STAT4: variants seen among roughly 807,000 people sequenced by gnomAD.
The protein encoded by STAT4 is signal transducer and activator of transcription 4.
STAT4 carries 42 observed loss-of-function variants against 110.5 expected under a neutral mutation model. The observed-to-expected ratio is 0.38, with a 90% confidence interval of 0.30 to 0.49. The LOEUF (loss-of-function observed/expected upper bound fraction) is 0.49, where lower values mean the gene tolerates loss of function less well. Ranked by LOEUF, STAT4 falls within the 20% of genes least tolerant of loss-of-function variation. STAT4 has a pLI of 0.95. For synonymous variants in STAT4, 284 were observed against 302.2 expected, an observed-to-expected ratio of 0.94 and a Z score of 0.63; for missense variants, 632 against 887.9, an observed-to-expected ratio of 0.71 and a Z score of 3.66.
In STAT4 at chr2:191,086,896, T is replaced by C. The variant is rs999658370; in HGVS notation, c.274-10571A>G. ...GTATCTGCCTGCTCATGTTTGGACTTCTCAGAAAGTTCACTTGAACATCTG... is the reference window on the plus strand; with the variant it reads ...GTATCTGCCTGCTCATGTTTGGACTCCTCAGAAAGTTCACTTGAACATCTG... On this transcript the variant is annotated intron_variant, in intron 3 of 23. Coordinates refer to ENST00000392320, the MANE Select transcript of STAT4 (RefSeq NM_003151.4). This position sits in a 1 kb window ranked among gnomAD's most constrained non-coding sequence, Gnocchi z 5.5. 6.6e-5 allele frequency among the ~76,000 whole-genome samples: 10 copies of C among 152,154 alleles called. No individual in the cohort carries two copies. Among genetic ancestry groups the C allele is most frequent in the African/African-American group, 2.4e-4 (10 of 41,438 alleles).
intron 3 of STAT4, among the ~76,000 whole-genome samples, chr2:191,123,843 C>T (rs552409983): frequency 1.2e-4 from 19 of 152,244 alleles, no homozygotes; most frequent in Middle Eastern, 3.4e-3. Flanking sequence ...TTGCTAGCCC[C>T]GGAAAAGATC....
chr2:191,089,217 A>G (rs1176694078), intron 3 of STAT4, among the ~76,000 whole-genome samples: 1 of 152,198 alleles, frequency 6.6e-6, no homozygotes, highest in Non-Finnish European at 1.5e-5. Context: ...AAAAGCAAGA[A>G]AACAAACTCA....
chr2:191,126,521 G>C (rs766709597), intron 3 of STAT4, among the ~76,000 whole-genome samples: 8 of 152,176 alleles, frequency 5.3e-5, no homozygotes, highest in African/African-American at 7.2e-5. Flanking sequence ...CCTTCATGTC[G>C]TCTTTCTCTA....
In STAT4 at chr2:191,053,474, G is replaced by T. The variant is rs1696589925; in HGVS notation, c.1251+1016C>A. Among the ~76,000 whole-genome samples, 1 of 152,164 alleles carries T rather than the reference G, an allele frequency of 6.6e-6. No individual in the cohort carries two copies. Among genetic ancestry groups the T allele is most frequent in the Non-Finnish European group, 1.5e-5 (1 of 68,034 alleles). On this transcript the variant is annotated intron_variant, in intron 14 of 23. Coordinates refer to ENST00000392320, the MANE Select transcript of STAT4 (RefSeq NM_003151.4). This position sits in a 1 kb window ranked among gnomAD's most constrained non-coding sequence, Gnocchi z 4.5. ...CATTGACTTATGCCTTAGTTTCGAG[G>T]TCAGCTCAATAGATGTTCTCCAAGG...
At chr2:191,093,278 G>A (rs1229292509) in intron 3 of STAT4, among the ~76,000 whole-genome samples, 3 of 152,210 alleles carry the variant, frequency 2.0e-5, no homozygotes, top group Non-Finnish European at 4.4e-5. Context: ...AGCCTAACCG[G>A]GAGACACCTC....
chr2:191,128,422 C>T (rs1698941259), intron 3 of STAT4, among the ~76,000 whole-genome samples: 1 of 152,194 alleles, frequency 6.6e-6, no homozygotes, highest in Admixed American at 6.5e-5. Flanking sequence ...ATCTGACAGA[C>T]TCAGAGCAGC....
rs1696885820 is a variant in STAT4 at position 191,062,765 on chromosome 2, T to C, written c.938A>G (p.Lys313Arg). 1.2e-6 allele frequency: 2 copies of C among 1,613,400 alleles called. No homozygotes were observed. Among genetic ancestry groups the C allele is most frequent in the Admixed American group, 3.3e-5 (2 of 59,920 alleles). The change falls in exon 9 of 24, where the codon AAG (lysine) becomes AGG (arginine). Residue 313 changes from lysine to arginine, a missense_variant. Physicochemically the swap from Lys to Arg is conservative, Grantham distance 26. Coordinates refer to ENST00000392320, the MANE Select transcript of STAT4 (RefSeq NM_003151.4). The surrounding 1 kb of genome is among the most constrained non-coding windows in gnomAD (Gnocchi z 4.9). Reference protein sequence around the residue: ...RVTFLIYNLFKNSFVVERQPC... With the variant: ...RVTFLIYNLFRNSFVVERQPC... The stretch of plus-strand genomic sequence containing the variant: ...CCATTGATAGCACTTCACTTACTTC[T>C]TGAAAAGGTTGTAGATCAAGAAGGT...
rs909177413 is a variant in STAT4 at position 191,032,764 on chromosome 2, A to G, written c.2044+194T>C. ...CAGCTGCTTATTACTCGCTAGTGTT[A>G]GAAAGCCCAGCGGTCCCTTTTCAGG... On this transcript the variant is annotated intron_variant, in intron 21 of 23. Transcript: ENST00000392320. This position sits in a 1 kb window ranked among gnomAD's most constrained non-coding sequence, Gnocchi z 4.9. 8.6e-6 allele frequency: 5 copies of G among 583,180 alleles called. No homozygotes were observed. The highest frequency in any genetic ancestry group is 9.2e-4 in the Middle Eastern group (2 of 2,180). 36.1% of individuals were successfully genotyped at this position (583,180 alleles called of 1,614,324 possible).
At chr2:191,115,070 T>C (rs977492896) in intron 3 of STAT4, among the ~76,000 whole-genome samples, 2 of 152,210 alleles carry the variant, frequency 1.3e-5, no homozygotes, top group African/African-American at 4.8e-5. Flanking sequence ...GTTACTTTTA[T>C]AAACAGAAAA....
In STAT4 at chr2:191,107,974, A is replaced by G. The variant is rs565696114; in HGVS notation, c.274-31649T>C. ...AAACTATTACTATAATCCTTGAAGC[A>G]CACCAAGAATGAAAGAAAGACATTA... On this transcript the variant is annotated intron_variant, in intron 3 of 23. Transcript: ENST00000392320. This position sits in a 1 kb window ranked among gnomAD's most constrained non-coding sequence, Gnocchi z 4.2. 1.2e-4 allele frequency among the ~76,000 whole-genome samples: 19 copies of G among 152,290 alleles called. No individual in the cohort carries two copies. The South Asian group carries it at 2.9e-3, about 23-fold the overall frequency.
chr2:191,069,660 CTA>C, intron 6 of STAT4, 31 bp downstream of exon 6: 2 of 1,530,766 alleles, frequency 1.3e-6, no homozygotes, highest in Non-Finnish European at 1.8e-6. Flanking sequence ...CTTTTTGTCT[CTA>C]TGCATAATTA....
rs116395752 is a variant in STAT4 at position 191,054,422 on chromosome 2, G to A, written c.1251+68C>T. 5.1e-4 allele frequency: 677 copies of A among 1,323,286 alleles called. 3 individuals carry two copies. The African/African-American group carries it at 9.0e-3, about 18-fold the overall frequency. 82.0% of individuals were successfully genotyped at this position (1,323,286 alleles called of 1,614,324 possible). ...TTATATGAAGTCAAGCAGTTTAAAA[G>A]CTTTGTAAAAATAAGATATTATAAG... On this transcript the variant is annotated intron_variant, in intron 14 of 23. Transcript: ENST00000392320.
intron 3 of STAT4, among the ~76,000 whole-genome samples, chr2:191,087,082 T>TGTA (rs1204257050): frequency 6.6e-6 from 1 of 152,186 alleles, no homozygotes. Context: ...ATTGTCTACC[T>TGTA]AATATAGAAG....
chr2:191,090,890 C>T lies in STAT4; in HGVS notation c.274-14565G>A, dbSNP rs770498695. On this transcript the variant is annotated intron_variant, in intron 3 of 23. Coordinates refer to ENST00000392320, the MANE Select transcript of STAT4 (RefSeq NM_003151.4). The surrounding 1 kb of genome is among the most constrained non-coding windows in gnomAD (Gnocchi z 4.2). ...ACAGGCGTGAGCCACCATACCCGGCCTTAAACTACTTCTTAAAGGTATCAA... is the reference window on the plus strand; with the variant it reads ...ACAGGCGTGAGCCACCATACCCGGCTTTAAACTACTTCTTAAAGGTATCAA... Among the ~76,000 whole-genome samples, 26 of 152,310 alleles carry T rather than the reference C, an allele frequency of 1.7e-4. No homozygotes were observed. The highest frequency in any genetic ancestry group is 2.1e-4 in the Non-Finnish European group (14 of 68,026).
intron 13 of STAT4, among the ~76,000 whole-genome samples, chr2:191,055,488 G>A (rs376290866): frequency 5.3e-5 from 8 of 149,818 alleles, no homozygotes; most frequent in African/African-American, 2.0e-4. Flanking sequence ...CAAAGTGCTG[G>A]GATTACAGGC....
Position 191,136,024 on chromosome 2 carries a change from C to CAAAAAAAA in STAT4, c.273+10588_273+10589insTTTTTTTT, listed in dbSNP as rs1699173501. ...ATCTCAGAAAAAAAAAAAAAAAAACCAAAAAACAAAAAACCAATGTGATCA... is the reference window on the plus strand; with the variant it reads ...ATCTCAGAAAAAAAAAAAAAAAAACCAAAAAAAAAAAAAACAAAAAACCAATGTGATCA... On this transcript the variant is annotated intron_variant, in intron 3 of 23. Coordinates refer to ENST00000392320, the MANE Select transcript of STAT4 (RefSeq NM_003151.4). Among the ~76,000 whole-genome samples the CAAAAAAAA allele has an allele frequency of 1.8e-3, 78 of 43,738 alleles. 5 individuals carry two copies. Among genetic ancestry groups the CAAAAAAAA allele is most frequent in the African/African-American group, 3.8e-3 (59 of 15,538 alleles). The allele number at this position is 43,738 out of a possible 152,430, so 28.7% of individuals were successfully genotyped here.
chr2:191,126,050 C>T (rs1698872182), intron 3 of STAT4, among the ~76,000 whole-genome samples: 1 of 152,188 alleles, frequency 6.6e-6, no homozygotes. Context: ...GTTTAGATAT[C>T]TGCTTGACCG....
intron 3 of STAT4, among the ~76,000 whole-genome samples, chr2:191,128,287 C>T (rs1390351992): frequency 1.3e-5 from 2 of 152,166 alleles, no homozygotes; most frequent in Admixed American, 1.3e-4. Context: ...AGAGTTAACA[C>T]AGAGTGGCTA....
At chr2:191,137,068 C>T (rs559453849) in intron 3 of STAT4, among the ~76,000 whole-genome samples, 13 of 152,124 alleles carry the variant, frequency 8.5e-5, no homozygotes, top group South Asian at 2.1e-4. Context: ...GGGCCAGGTG[C>T]GGTGTGGCTC....
Sources: allele counts gnomAD v4.1 joint callset (sites outside exome capture counted in the v4.1 genomes callset), GRCh38; gene constraint gnomAD v4.1.1; non-coding constraint Gnocchi (gnomAD v3.1); transcripts MANE v1.5; gene names NCBI Gene and HGNC (gene_info 2026-07-23, HGNC 2026-07-21).